The following CACNA2D1 variants were observed in gnomAD, a reference collection of about 807,000 sequenced individuals.
The protein encoded by CACNA2D1 is voltage-dependent calcium channel subunit alpha-2/delta-1.
A neutral mutation model predicts 171.5 loss-of-function variants in CACNA2D1; 53 were observed. That is an observed-to-expected ratio of 0.31 (90% CI 0.25 to 0.39). The LOEUF is 0.39. Ranked by LOEUF, CACNA2D1 falls within the 10% of genes least tolerant of loss-of-function variation. The pLI is 1.00. For synonymous variants in CACNA2D1, 442 were observed against 443.1 expected (o/e 1.00, Z 0.03); for missense variants, 903 against 1,299.8 (o/e 0.69, Z 4.69).
chr7:82,018,066 G>C lies in CACNA2D1; in HGVS notation c.1144-3587C>G, dbSNP rs144460144. ...TGTTTCTCAACATATATGATTTTATGTAGGCTCATCTTTCAAAATGTTTGC... is the reference window on the plus strand; with the variant it reads ...TGTTTCTCAACATATATGATTTTATCTAGGCTCATCTTTCAAAATGTTTGC... On this transcript the variant is annotated intron_variant, in intron 12 of 38. Coordinates refer to ENST00000356860, the MANE Select transcript of CACNA2D1 (RefSeq NM_000722.4). Among the ~76,000 whole-genome samples the C allele has an allele frequency of 1.6e-3, 243 of 152,252 alleles. 4 individuals carry two copies. In the East Asian group the frequency reaches 0.018, roughly 11 times the overall value.
intron 1 of CACNA2D1, among the ~76,000 whole-genome samples, chr7:82,389,966 T>C (rs1224989132): frequency 6.6e-6 from 1 of 152,200 alleles, no homozygotes; most frequent in Non-Finnish European, 1.5e-5. Flanking sequence ...TAAAATTGCA[T>C]ATGCAACATG....
At chr7:82,256,610 G>T (rs944520823) in intron 3 of CACNA2D1, among the ~76,000 whole-genome samples, 2 of 151,980 alleles carry the variant, frequency 1.3e-5, no homozygotes, top group Non-Finnish European at 2.9e-5. Flanking sequence ...AAAAAAGAAT[G>T]GTAATACAGA....
intron 3 of CACNA2D1, among the ~76,000 whole-genome samples, chr7:82,238,686 G>A (rs1379365643): frequency 6.6e-6 from 1 of 152,054 alleles, no homozygotes; most frequent in East Asian, 1.9e-4. Flanking sequence ...AATCTATGAG[G>A]TTTTTTGAGA....
chr7:82,112,034 T>C (rs1255564872), intron 6 of CACNA2D1, among the ~76,000 whole-genome samples: 1 of 152,128 alleles, frequency 6.6e-6, no homozygotes, highest in Non-Finnish European at 1.5e-5. Flanking sequence ...GAAGATAATA[T>C]TTCAGAAACA....
intron 1 of CACNA2D1, among the ~76,000 whole-genome samples, chr7:82,351,906 A>G (rs138936410): frequency 3.9e-5 from 6 of 152,316 alleles, no homozygotes; most frequent in African/African-American, 1.4e-4. Context: ...TCTCAAATAT[A>G]ATTTCCAACA....
At position 82,335,202 on chromosome 7, in the gene CACNA2D1, C is replaced by A. The variant is rs200298945; in HGVS notation, c.227G>T (p.Arg76Leu). 11 of 1,612,956 alleles carry A rather than the reference C, an allele frequency of 6.8e-6. No individual in the cohort carries two copies. Among genetic ancestry groups the A allele is most frequent in the Non-Finnish European group, 9.3e-6 (11 of 1,179,324 alleles). The change falls in exon 3 of 39, where the codon CGC becomes CTC. Residue 76 changes from arginine (R) to leucine (L), a missense_variant. Coordinates refer to ENST00000356860, the MANE Select transcript of CACNA2D1 (RefSeq NM_000722.4). ...DLYTVEPNNA[R>L]QLVEIAARDI... ...CCTGGCTGCAATTTCTACCAGCTGG[C>A]GTGCATTATTTGGTTCCACAGTATA...
chr7:81,996,474 C>G (rs746037072), intron 19 of CACNA2D1, among the ~76,000 whole-genome samples: 3 of 151,750 alleles, frequency 2.0e-5, no homozygotes, highest in Non-Finnish European at 4.4e-5. Context: ...AATCTGTAAT[C>G]TAGAATGCAA....
At chr7:82,182,483 T>C (rs1002361266) in intron 3 of CACNA2D1, among the ~76,000 whole-genome samples, 5 of 151,462 alleles carry the variant, frequency 3.3e-5, no homozygotes, top group African/African-American at 7.3e-5. Flanking sequence ...TAAATTGACA[T>C]AATGAACAAA....
At chr7:81,966,238 C>G (rs1472092711) in intron 31 of CACNA2D1, among the ~76,000 whole-genome samples, 1 of 151,304 alleles carries the variant, frequency 6.6e-6, no homozygotes, top group African/African-American at 2.4e-5. Context: ...GGATAAATTC[C>G]CACCTAGTTT....
rs180807078 is a variant in CACNA2D1 at position 82,112,863 on chromosome 7, T to A, written c.526+4181A>T. 4.6e-3 allele frequency among the ~76,000 whole-genome samples: 707 copies of A among 152,302 alleles called. 5 individuals are homozygous for A. Among genetic ancestry groups the A allele is most frequent in the Admixed American group, 6.7e-3 (103 of 15,290 alleles). ...TGTCATCTAAGATACAGCGGCTATA[T>A]CTTTTAAGATAACACAATTGAATAT... On this transcript the variant is annotated intron_variant, in intron 6 of 38. Transcript: ENST00000356860.
At position 82,016,304 on chromosome 7, in the gene CACNA2D1, A is replaced by T. The variant is rs148297061; in HGVS notation, c.1144-1825T>A. 4.5e-3 allele frequency among the ~76,000 whole-genome samples: 689 copies of T among 152,258 alleles called. 7 individuals are homozygous for T. The highest frequency in any genetic ancestry group is 0.016 in the African/African-American group (651 of 41,572). On this transcript the variant is annotated intron_variant, in intron 12 of 38. Transcript: ENST00000356860. ...TCAAATGAATTCAAGTCAGGGAAAA[A>T]GTCCAGATGCTCCAGGAAGCACTGG...
chr7:82,242,640 T>C (rs2129297894), intron 3 of CACNA2D1, among the ~76,000 whole-genome samples: 1 of 152,292 alleles, frequency 6.6e-6, no homozygotes, highest in East Asian at 1.9e-4. Context: ...TTCTGTCAAA[T>C]GCAAGAGATC....
chr7:82,267,070 T>G (rs1807961562), intron 3 of CACNA2D1, among the ~76,000 whole-genome samples: 1 of 152,220 alleles, frequency 6.6e-6, no homozygotes, highest in Non-Finnish European at 1.5e-5. Flanking sequence ...CTAGAAGTTT[T>G]CAATGAATGT....
In CACNA2D1 at chr7:82,066,524, GCT is replaced by G; in HGVS notation, c.659-2_659-1del. The G allele has an allele frequency of 3.4e-6, 5 of 1,460,932 alleles. No homozygotes were observed. Among genetic ancestry groups the G allele is most frequent in the Admixed American group, 2.3e-5 (1 of 43,530 alleles). The allele number at this position is 1,460,932 out of a possible 1,614,324, so 90.5% of individuals were successfully genotyped here. On this transcript the variant is annotated splice_acceptor_variant, in intron 7 of 38. Coordinates refer to ENST00000356860, the MANE Select transcript of CACNA2D1 (RefSeq NM_000722.4). LOFTEE classifies it high-confidence loss of function. ...TCTACTATTATCAACCCATGGTGAA[GCT>G]AAAAAAAAAAAAAAAAGAGAGATAT...
At position 81,980,791 on chromosome 7, in the gene CACNA2D1, A is replaced by T. The variant is rs560105152; in HGVS notation, c.1955+1776T>A. On this transcript the variant is annotated intron_variant, in intron 24 of 38. Coordinates refer to ENST00000356860, the MANE Select transcript of CACNA2D1 (RefSeq NM_000722.4). ...ATACTCATACGACAGAACTGGCAAG[A>T]CTGGTGATTGATTAGAAGTGAGATA... Among the ~76,000 whole-genome samples, 7 of 152,260 alleles carry T rather than the reference A, an allele frequency of 4.6e-5. 1 individual carries two copies. The East Asian group carries it at 7.8e-4, about 17-fold the overall frequency.
At position 82,206,348 on chromosome 7, in the gene CACNA2D1, A is replaced by G. The variant is rs540578569; in HGVS notation, c.295-35739T>C. The stretch of plus-strand genomic sequence containing the variant: ...TTTAAAATTATCTTTCATGAATGAG[A>G]AAGGTAAAAGAGCTAAGTATATAAT... On this transcript the variant is annotated intron_variant, in intron 3 of 38. Transcript: ENST00000356860. Among the ~76,000 whole-genome samples, 7 of 152,190 alleles carry G rather than the reference A, an allele frequency of 4.6e-5. No homozygotes were observed. The South Asian group carries it at 1.5e-3, about 32-fold the overall frequency.
At position 82,055,488 on chromosome 7, in the gene CACNA2D1, C is replaced by T. The variant is rs139736865; in HGVS notation, c.879+4940G>A. On this transcript the variant is annotated intron_variant, in intron 10 of 38. Coordinates refer to ENST00000356860, the MANE Select transcript of CACNA2D1 (RefSeq NM_000722.4). Reference sequence around the variant, plus strand: ...CGTATGTTTACTGCAGCACTACTCACAATAGCAAAGACTTGGAACCAACCG... The same window carrying T: ...CGTATGTTTACTGCAGCACTACTCATAATAGCAAAGACTTGGAACCAACCG... Among the ~76,000 whole-genome samples, 1,400 of 151,966 alleles carry T rather than the reference C, an allele frequency of 9.2e-3. 15 individuals are homozygous for T. Among genetic ancestry groups the T allele is most frequent in the Middle Eastern group, 0.034 (10 of 294 alleles).
chr7:82,215,896 G>C (rs985685027), intron 3 of CACNA2D1, among the ~76,000 whole-genome samples: 3 of 151,936 alleles, frequency 2.0e-5, no homozygotes, highest in Non-Finnish European at 4.4e-5. Flanking sequence ...CATTTATTCT[G>C]ATATGCCATA....
At chr7:82,160,154 A>G (rs1205571683) in intron 4 of CACNA2D1, among the ~76,000 whole-genome samples, 1 of 151,920 alleles carries the variant, frequency 6.6e-6, no homozygotes, top group Non-Finnish European at 1.5e-5. Flanking sequence ...ACTAGCCTCT[A>G]TGAATGACAA....
Sources: gnomAD v4.1 joint callset for allele counts (sites outside exome capture counted in the v4.1 genomes callset) on GRCh38, gnomAD v4.1.1 for gene constraint, MANE v1.5 for transcripts, NCBI Gene and HGNC (gene_info 2026-07-23, HGNC 2026-07-21) for gene names.